Variants in STXBP5L observed in about 807,000 individuals in gnomAD.
STXBP5L encodes syntaxin binding protein 5L.
Under a neutral mutation model 144.5 loss-of-function variants are expected in STXBP5L, and 65 were observed. That is an observed-to-expected ratio of 0.45 (90% CI 0.37 to 0.55). The LOEUF (loss-of-function observed/expected upper bound fraction) is 0.55. STXBP5L is among the 20% of genes least tolerant of loss of function. The pLI, the probability that STXBP5L is intolerant of heterozygous loss-of-function variation, is 0.00. For missense variants in STXBP5L, 1,298 were observed against 1,405.5 expected (o/e 0.92, Z 1.22); for synonymous variants, 505 against 469.6 (o/e 1.08, Z -0.97).
intron 20 of STXBP5L, among the ~76,000 whole-genome samples, chr3:121,367,888 G>T (rs1386097611): frequency 6.9e-6 from 1 of 144,010 alleles, no homozygotes; most frequent in Non-Finnish European, 1.5e-5. Flanking sequence ...GCCTCCCAAA[G>T]TGCTGGAGTT....
chr3:120,996,056 G>T (rs1007488654), intron 3 of STXBP5L, among the ~76,000 whole-genome samples: 1 of 151,986 alleles, frequency 6.6e-6, no homozygotes, highest in Non-Finnish European at 1.5e-5. Flanking sequence ...TTTTCTTTCA[G>T]AACCTGAAAA....
At chr3:121,348,786 G>T (rs2045126819) in intron 20 of STXBP5L, among the ~76,000 whole-genome samples, 1 of 152,092 alleles carries the variant, frequency 6.6e-6, no homozygotes, top group South Asian at 2.1e-4. Context: ...TTGTACTTCT[G>T]TGGGATCGGC....
chr3:121,122,900 TAATG>T (rs1340393290), intron 7 of STXBP5L, among the ~76,000 whole-genome samples: 3 of 151,418 alleles, frequency 2.0e-5, no homozygotes, highest in African/African-American at 7.3e-5. Flanking sequence ...ATGTCAAAAA[TAATG>T]AACATGTAAA....
At chr3:121,259,555 A>G (rs1273718265) in intron 18 of STXBP5L, among the ~76,000 whole-genome samples, 3 of 152,152 alleles carry the variant, frequency 2.0e-5, no homozygotes, top group South Asian at 4.1e-4. Context: ...ATGGAGTTCA[A>G]TTTCAGCTAT....
intron 9 of STXBP5L, among the ~76,000 whole-genome samples, chr3:121,184,614 G>C (rs1447867116): frequency 6.6e-6 from 1 of 152,074 alleles, no homozygotes; most frequent in Non-Finnish European, 1.5e-5. Flanking sequence ...GTGATGGGGA[G>C]AATGGAACCA....
At chr3:120,991,273 A>T (rs1470620366) in intron 3 of STXBP5L, among the ~76,000 whole-genome samples, 1 of 151,760 alleles carries the variant, frequency 6.6e-6, no homozygotes, top group African/African-American at 2.4e-5. Flanking sequence ...AATCAAAACC[A>T]CAATGAGATA....
At chr3:121,282,363 T>G in intron 19 of STXBP5L, 1 of 1,601,986 alleles carries the variant, frequency 6.2e-7, no homozygotes, top group South Asian at 1.1e-5. Flanking sequence ...GTTAGGCAAA[T>G]AGCCTTTTTA....
chr3:121,078,343 G>T (rs775536304), intron 5 of STXBP5L, among the ~76,000 whole-genome samples: 1 of 152,138 alleles, frequency 6.6e-6, no homozygotes, highest in African/African-American at 2.4e-5. Flanking sequence ...TAGACACAGG[G>T]TGCTGATTGG....
chr3:121,140,665 CAT>C (rs1273413412), intron 7 of STXBP5L, among the ~76,000 whole-genome samples: 4 of 152,122 alleles, frequency 2.6e-5, no homozygotes, highest in African/African-American at 9.7e-5. Context: ...TCATCTCACT[CAT>C]ATGTGGAATT....
At chr3:121,001,955 C>T (rs1943816245) in intron 3 of STXBP5L, among the ~76,000 whole-genome samples, 1 of 152,164 alleles carries the variant, frequency 6.6e-6, no homozygotes, top group African/African-American at 2.4e-5. Flanking sequence ...ATCCATTCAT[C>T]CATTGACAGA....
intron 3 of STXBP5L, among the ~76,000 whole-genome samples, chr3:120,965,971 G>A (rs576639659): frequency 2.0e-4 from 31 of 151,942 alleles, no homozygotes; most frequent in South Asian, 1.0e-3. Context: ...GGCTTTGTTC[G>A]TTTCTTTTCA....
chr3:121,394,353 T>C (rs2046671809), intron 22 of STXBP5L, among the ~76,000 whole-genome samples: 1 of 151,926 alleles, frequency 6.6e-6, no homozygotes, highest in South Asian at 2.1e-4. Context: ...TATAAGGTCA[T>C]ATAATCAGTG....
chr3:121,020,091 C>T (rs1399050423), intron 3 of STXBP5L, among the ~76,000 whole-genome samples: 2 of 152,094 alleles, frequency 1.3e-5, no homozygotes, highest in African/African-American at 4.8e-5. Flanking sequence ...ACAATCACAA[C>T]TTCTTGAAAT....
chr3:121,348,296 A>T (rs1238575458), intron 20 of STXBP5L, among the ~76,000 whole-genome samples: 10 of 152,250 alleles, frequency 6.6e-5, no homozygotes, highest in African/African-American at 2.4e-4. Flanking sequence ...CTTGCGTCCC[A>T]GGGATGAAGT....
intron 22 of STXBP5L, among the ~76,000 whole-genome samples, chr3:121,396,876 G>C (rs2046743959): frequency 6.6e-6 from 1 of 152,176 alleles, no homozygotes; most frequent in Non-Finnish European, 1.5e-5. Flanking sequence ...TTTGCAATTG[G>C]GTAAATAAAG....
At chr3:121,233,970 C>A (rs1430829849) in intron 12 of STXBP5L, among the ~76,000 whole-genome samples, 3 of 152,080 alleles carry the variant, frequency 2.0e-5, no homozygotes, top group Non-Finnish European at 4.4e-5. Flanking sequence ...TAAAGAAAAT[C>A]AATCATTATG....
chr3:121,236,444 G>T (rs1372194626), intron 12 of STXBP5L, among the ~76,000 whole-genome samples: 2 of 152,160 alleles, frequency 1.3e-5, no homozygotes, highest in Non-Finnish European at 2.9e-5. Flanking sequence ...AGGGTCTCAG[G>T]CTGTTTCTAC....
chr3:121,019,919 A>T (rs1298615334), intron 3 of STXBP5L, among the ~76,000 whole-genome samples: 2 of 152,150 alleles, frequency 1.3e-5, no homozygotes, highest in Non-Finnish European at 2.9e-5. Flanking sequence ...TCCAAACCAA[A>T]ACAAAACCTC....
intron 7 of STXBP5L, among the ~76,000 whole-genome samples, chr3:121,123,158 T>C (rs1166543046): frequency 1.3e-5 from 2 of 151,524 alleles, no homozygotes; most frequent in Non-Finnish European, 3.0e-5. Flanking sequence ...GTCAACATCA[T>C]ACCGACAAAA....
Sources: gnomAD v4.1 joint callset for allele counts (sites outside exome capture counted in the v4.1 genomes callset) on GRCh38, gnomAD v4.1.1 for gene constraint, MANE v1.5 for transcripts, NCBI Gene and HGNC (gene_info 2026-07-23, HGNC 2026-07-21) for gene names.